Variants in PNPLA1 observed in about 807,000 individuals in gnomAD.
PNPLA1 encodes the protein patatin like domain 1, omega-hydroxyceramide transacylase.
A neutral mutation model predicts 51.7 loss-of-function variants in PNPLA1; 36 were observed. That is an observed-to-expected ratio of 0.70 (90% CI 0.53 to 0.92). PNPLA1 has a LOEUF of 0.92. Among genes scored for constraint, PNPLA1 ranks in the 40% least tolerant of loss-of-function variants. The pLI is 0.00. For missense variants in PNPLA1, 658 were observed against 682.5 expected, an observed-to-expected ratio of 0.96 and a Z score of 0.40; for synonymous variants, 293 against 280.1, an observed-to-expected ratio of 1.05 and a Z score of -0.46.
intron 1 of PNPLA1, among the ~76,000 whole-genome samples, chr6:36,249,789 C>T (rs1489842261): frequency 6.6e-6 from 1 of 152,168 alleles, no homozygotes; most frequent in Non-Finnish European, 1.5e-5. Flanking sequence ...GGACAAGTTG[C>T]TTAACTACTC....
rs1231123861 is a variant in PNPLA1, at chr6:36,270,551, C to T, written c.92C>T (p.Ala31Val). 1.3e-6 allele frequency: 2 copies of T among 1,551,512 alleles called. No homozygotes were observed. The highest frequency in any genetic ancestry group is 2.0e-5 in the Admixed American group (1 of 50,998). The change falls in exon 1 of 9, where the codon GCT (alanine) becomes GTT (valine). Residue 31 changes from alanine (A) to valine (V), a missense_variant. By Grantham distance (64) the Ala-to-Val change is moderately conservative. Transcript: ENST00000636260. The part of the protein sequence containing the change: ...SGFLSFYQAG[A>V]VDALRDLAPR... Reference sequence around the variant, plus strand: ...TTCCTCTCCTTCTACCAGGCGGGGGCTGTGGACGCCCTGCGGGACCTGGCC... The same window carrying T: ...TTCCTCTCCTTCTACCAGGCGGGGGTTGTGGACGCCCTGCGGGACCTGGCC...
chr6:36,299,335 GT>G lies in PNPLA1; in HGVS notation c.776-2509del, dbSNP rs767505825. ...TGGGGTTTTTTTTGTTTTTTTGTCT[GT>G]TTTTTTTTTTTTTTTTGAGATGGAG... On this transcript the variant is annotated intron_variant, in intron 5 of 8. Transcript: ENST00000636260. Among the ~76,000 whole-genome samples the G allele has an allele frequency of 8.1e-3, 476 of 58,768 alleles. 2 individuals are homozygous for G. Among genetic ancestry groups the G allele is most frequent in the African/African-American group, 0.019 (425 of 22,934 alleles). 38.6% of individuals were successfully genotyped at this position (58,768 alleles called of 152,430 possible).
In PNPLA1 at chr6:36,291,531, G is replaced by A. The variant is rs150478214; in HGVS notation, c.417G>A (p.Thr139=). The change falls in exon 2 of 9, where the codon ACG becomes ACA. Residue 139 remains threonine (T), a synonymous_variant. Coordinates refer to ENST00000636260, the MANE Select transcript of PNPLA1 (RefSeq NM_001374623.1). ...AGAATGTGGTGGTTTCAGAGTTCAC[G>A]TCCAAGGAGGAGCTCATTGAGGCAA... ...DGENVVVSEF[T]SKEELIEALY... 224 of 1,347,536 alleles carry A rather than the reference G, an allele frequency of 1.7e-4. No homozygotes were observed. In the African/African-American group the frequency reaches 2.6e-3, roughly 16 times the overall value. 83.5% of individuals were successfully genotyped at this position (1,347,536 alleles called of 1,614,324 possible). A position where few individuals can be genotyped will look rare whatever the true frequency, so the allele number is the denominator to read the frequency against.
intron 1 of PNPLA1, among the ~76,000 whole-genome samples, chr6:36,248,565 A>C (rs1410484332): frequency 6.7e-6 from 1 of 149,136 alleles, no homozygotes; most frequent in East Asian, 2.0e-4. Flanking sequence ...TCTGTCGCCC[A>C]GGCTGGAGTG....
chr6:36,287,479 G>A (rs764731815), intron 1 of PNPLA1, among the ~76,000 whole-genome samples: 1 of 152,202 alleles, frequency 6.6e-6, no homozygotes, highest in African/African-American at 2.4e-5. Context: ...GCTGTGGTTA[G>A]TGTGGGACTC....
At chr6:36,295,896 A>T (rs75580218) in intron 5 of PNPLA1, among the ~76,000 whole-genome samples, 1 of 152,202 alleles carries the variant, frequency 6.6e-6, no homozygotes, top group African/African-American at 2.4e-5. Context: ...CCCTTGCCCT[A>T]TGTAGGTTTG....
intron 2 of PNPLA1, among the ~76,000 whole-genome samples, chr6:36,292,332 C>G (rs1770713560): frequency 6.6e-6 from 1 of 152,128 alleles, no homozygotes; most frequent in African/African-American, 2.4e-5. Context: ...CCAGCTCTTC[C>G]AGATCTGCCT....
chr6:36,286,926 T>A (rs1173995033), intron 1 of PNPLA1, among the ~76,000 whole-genome samples: 1 of 151,806 alleles, frequency 6.6e-6, no homozygotes, highest in Non-Finnish European at 1.5e-5. Flanking sequence ...GCTCAAGCGA[T>A]CCTCCCATCT....
chr6:36,254,223 G>T (rs889180831), intron 1 of PNPLA1, among the ~76,000 whole-genome samples: 1 of 152,104 alleles, frequency 6.6e-6, no homozygotes, highest in Non-Finnish European at 1.5e-5. Flanking sequence ...GACTAATCAT[G>T]AATTCTTTTC....
chr6:36,291,879 G>A lies in PNPLA1; in HGVS notation c.438+327G>A, dbSNP rs541198792. Among the ~76,000 whole-genome samples, 9 of 152,284 alleles carry A rather than the reference G, an allele frequency of 5.9e-5. No homozygotes were observed. The South Asian group carries it at 1.2e-3, about 21-fold the overall frequency. On this transcript the variant is annotated intron_variant, in intron 2 of 8. Coordinates refer to ENST00000636260, the MANE Select transcript of PNPLA1 (RefSeq NM_001374623.1). ...CTGGGTCTCCTTCAGGGCCTTCCAGGCTGGGCTGCCATGCATCCCCCCAGA... is the reference window on the plus strand; with the variant it reads ...CTGGGTCTCCTTCAGGGCCTTCCAGACTGGGCTGCCATGCATCCCCCCAGA...
Position 36,294,458 on chromosome 6 carries a change from TAG to T in PNPLA1, c.714+64_714+65del. ...AGGTACCAGGGACTAGGGGTGGGGT[TAG>T]AGAGCCACTGGGGCCCACTCAAGTT... is the stretch of plus-strand genomic sequence containing the variant. On this transcript the variant is annotated intron_variant, in intron 4 of 8. Coordinates refer to ENST00000636260, the MANE Select transcript of PNPLA1 (RefSeq NM_001374623.1). This position sits in a 1 kb window ranked among gnomAD's most constrained non-coding sequence, Gnocchi z 4.2. 6.6e-7 allele frequency: 1 copy of T among 1,522,284 alleles called. No homozygotes were observed. The highest frequency in any genetic ancestry group is 9.0e-7 in the Non-Finnish European group (1 of 1,106,176). 94.3% of individuals were successfully genotyped at this position (1,522,284 alleles called of 1,614,324 possible).
intron 1 of PNPLA1, among the ~76,000 whole-genome samples, chr6:36,249,971 AC>A (rs1769386078): frequency 6.6e-6 from 1 of 152,222 alleles, no homozygotes. Context: ...TTTATATGCT[AC>A]TACAAATAAA....
intron 1 of PNPLA1, among the ~76,000 whole-genome samples, chr6:36,248,584 C>T (rs1403635341): frequency 6.6e-6 from 1 of 151,640 alleles, no homozygotes; most frequent in Non-Finnish European, 1.5e-5. Flanking sequence ...TGCAGTGGCA[C>T]GATCTCGGCT....
chr6:36,295,240 T>A, intron 4 of PNPLA1, 124 bp from the exon 5 acceptor site: 1 of 927,106 alleles, frequency 1.1e-6, no homozygotes, highest in Non-Finnish European at 1.7e-6. Flanking sequence ...ACTGGATGGG[T>A]ACGTTTTGAA....
Position 36,294,135 on chromosome 6 carries a change from G to T in PNPLA1, c.505-55G>T. 1 of 1,594,702 alleles carries T rather than the reference G, an allele frequency of 6.3e-7. No homozygotes were observed. Among genetic ancestry groups the T allele is most frequent in the South Asian group, 1.1e-5 (1 of 89,538 alleles). ...CCCATGGGCCATTTCGATGTACCCC[G>T]AGTGGGGCTGAGAACTCTGGCCCCA... is the stretch of plus-strand genomic sequence containing the variant. On this transcript the variant is annotated intron_variant, in intron 3 of 8. Transcript: ENST00000636260. This position sits in a 1 kb window ranked among gnomAD's most constrained non-coding sequence, Gnocchi z 4.2.
At chr6:36,293,861 C>T (rs1049111956) in intron 3 of PNPLA1, among the ~76,000 whole-genome samples, 1 of 152,156 alleles carries the variant, frequency 6.6e-6, no homozygotes, top group African/African-American at 2.4e-5. Context: ...CAGAGGAGCA[C>T]GTCTCCTGCT....
intron 1 of PNPLA1, among the ~76,000 whole-genome samples, chr6:36,257,794 T>G (rs1254787231): frequency 1.3e-5 from 2 of 152,238 alleles, no homozygotes; most frequent in African/African-American, 4.8e-5. Flanking sequence ...GGGTCACATT[T>G]TCCTGCTTCT....
At chr6:36,251,049 T>C (rs1441009161) in intron 1 of PNPLA1, among the ~76,000 whole-genome samples, 1 of 152,138 alleles carries the variant, frequency 6.6e-6, no homozygotes, top group African/African-American at 2.4e-5. Flanking sequence ...CCAATGCATC[T>C]CCAGCAAGGA....
intron 1 of PNPLA1, among the ~76,000 whole-genome samples, chr6:36,276,525 A>G (rs1172930263): frequency 6.6e-6 from 1 of 152,166 alleles, no homozygotes; most frequent in Non-Finnish European, 1.5e-5. Context: ...GGTCTCCGTG[A>G]TTGCCACTGG....
Sources: gnomAD v4.1 joint callset for allele counts (sites outside exome capture counted in the v4.1 genomes callset) on GRCh38, gnomAD v4.1.1 for gene constraint, Gnocchi (gnomAD v3.1) non-coding constraint, MANE v1.5 for transcripts, NCBI Gene and HGNC (gene_info 2026-07-23, HGNC 2026-07-21) for gene names.